Variants in ATAD2B observed in about 807,000 individuals in gnomAD.
ATAD2B encodes ATPase family AAA domain containing 2B, also known as ATPase family AAA domain-containing protein 2B.
A neutral mutation model predicts 167.6 loss-of-function variants in ATAD2B; 40 were observed. That is an observed-to-expected ratio of 0.24 (90% confidence interval 0.19 to 0.31). The LOEUF is 0.31. Ranked by LOEUF, ATAD2B falls within the 10% of genes least tolerant of loss-of-function variation. ATAD2B has a pLI of 1.00. For synonymous variants in ATAD2B, 579 were observed against 596.5 expected (o/e 0.97, Z 0.43); for missense variants, 1,242 against 1,757.2 (o/e 0.71, Z 5.24).
downstream of ATAD2B, among the ~76,000 whole-genome samples, chr2:23,746,400 T>C (rs1234555241): frequency 6.6e-6 from 1 of 152,244 alleles, no homozygotes; most frequent in Non-Finnish European, 1.5e-5. Flanking sequence ...CATTTGTGTC[T>C]GTATAGCACT....
At chr2:23,680,453 C>T in the ATAD2B span, among the ~76,000 whole-genome samples, 1 of 152,202 alleles carries the variant, frequency 6.6e-6, no homozygotes, top group African/African-American at 2.4e-5. The surrounding 1 kb of genome is among the most constrained non-coding windows in gnomAD (Gnocchi z 4.1). Context: ...TGCAGTCCCA[C>T]AGACGTAGGC....
downstream of ATAD2B, among the ~76,000 whole-genome samples, chr2:23,745,403 A>AGGAAGGAAGGAAGGAAGGAG (rs1189235389): frequency 2.6e-5 from 3 of 116,286 alleles, no homozygotes; most frequent in Non-Finnish European, 5.6e-5. Flanking sequence ...GAAGGAAGGA[A>AGGAAGGAAGGAAGGAAGGAG]GGAAGGAAGG....
chr2:23,754,925 G>A (rs1012176870), intron 25 of ATAD2B, 151 bp from the exon 26 acceptor site: 3 of 722,504 alleles, frequency 4.2e-6, no homozygotes, highest in South Asian at 5.5e-5. Flanking sequence ...GCAACCCAAT[G>A]TGGTAGATTT....
chr2:23,808,982 A>G (rs967215598), intron 18 of ATAD2B: 1 of 152,262 alleles, frequency 6.6e-6, no homozygotes, highest in East Asian at 1.9e-4. Flanking sequence ...AGATTAAAAT[A>G]ATTCACCTGT....
chr2:23,875,796 A>T lies in ATAD2B; in HGVS notation c.977+33T>A, dbSNP rs756564668. ...GACACAATTAGTCTCTCATTGACAA[A>T]TGCAAATGTTTCCTTTCAAAAACAA... On this transcript the variant is annotated intron_variant, in intron 8 of 27. Transcript: ENST00000238789. The T allele has an allele frequency of 7.7e-6, 11 of 1,423,042 alleles. No homozygotes were observed. In the South Asian group the frequency reaches 1.3e-4, roughly 17 times the overall value. 88.2% of individuals were successfully genotyped at this position (1,423,042 alleles called of 1,614,324 possible). A position where few individuals can be genotyped will look rare whatever the true frequency, so the allele number is the denominator to read the frequency against.
At chr2:23,825,472 T>G (rs1688111867) in intron 15 of ATAD2B, among the ~76,000 whole-genome samples, 1 of 152,212 alleles carries the variant, frequency 6.6e-6, no homozygotes, top group African/African-American at 2.4e-5. Flanking sequence ...GTGTCTCGTT[T>G]TATTTTCTAT....
chr2:23,847,280 C>T (rs1252562414), intron 13 of ATAD2B, among the ~76,000 whole-genome samples: 1 of 150,426 alleles, frequency 6.6e-6, no homozygotes, highest in Non-Finnish European at 1.5e-5. Context: ...CCGAGGCAGG[C>T]GGATCACAAG....
intron 16 of ATAD2B, among the ~76,000 whole-genome samples, 189 bp from the exon 17 acceptor site, chr2:23,820,071 CCTTTA>C (rs1687216870): frequency 6.6e-6 from 1 of 151,902 alleles, no homozygotes; most frequent in Non-Finnish European, 1.5e-5. Flanking sequence ...AACACTTTCA[CCTTTA>C]CAGACTATTT....
At chr2:23,801,113 T>G (rs2149476058) in intron 18 of ATAD2B, among the ~76,000 whole-genome samples, 1 of 152,244 alleles carries the variant, frequency 6.6e-6, no homozygotes, top group East Asian at 1.9e-4. Flanking sequence ...TAAAATAAAC[T>G]TTTATATTTT....
chr2:23,696,723 T>C, the ATAD2B span: 1 of 498,778 alleles, frequency 2.0e-6, no homozygotes, highest in Non-Finnish European at 3.5e-6. This position sits in a 1 kb window ranked among gnomAD's most constrained non-coding sequence, Gnocchi z 5.5. Context: ...TGTGTCACCT[T>C]TGCAGTCGCT....
the ATAD2B span, among the ~76,000 whole-genome samples, chr2:23,720,896 A>G: frequency 7.4e-6 from 1 of 136,042 alleles, no homozygotes; most frequent in Non-Finnish European, 1.5e-5. Flanking sequence ...GCACTCTACC[A>G]TCTTGAGACC....
chr2:23,878,026 A>AAAAAAAAAAAAAAAAAG (rs1553440562), intron 7 of ATAD2B, among the ~76,000 whole-genome samples: 1 of 129,232 alleles, frequency 7.7e-6, no homozygotes, highest in South Asian at 3.0e-4. Context: ...AAAAAAAAAA[A>AAAAAAAAAAAAAAAAAG]AAAAAAAAAA....
chr2:23,923,878 T>C (rs1298977641), intron 1 of ATAD2B, among the ~76,000 whole-genome samples: 2 of 152,098 alleles, frequency 1.3e-5, no homozygotes, highest in African/African-American at 4.8e-5. Flanking sequence ...GCATCAAGTG[T>C]AGTTAGTTAA....
intron 19 of ATAD2B, among the ~76,000 whole-genome samples, chr2:23,790,486 T>C (rs1190260947): frequency 6.6e-6 from 1 of 152,238 alleles, no homozygotes; most frequent in Non-Finnish European, 1.5e-5. Context: ...TAACACTTTA[T>C]GAATACAAAA....
At chr2:23,787,534 A>T (rs894832001) in intron 20 of ATAD2B, among the ~76,000 whole-genome samples, 1 of 152,078 alleles carries the variant, frequency 6.6e-6, no homozygotes, top group African/African-American at 2.4e-5. Context: ...AACTACAGCA[A>T]TTTGACAGGG....
chr2:23,882,372 T>C (rs530130934), intron 6 of ATAD2B, among the ~76,000 whole-genome samples: 142 of 151,876 alleles, frequency 9.3e-4, no homozygotes, highest in Non-Finnish European at 1.9e-3. Flanking sequence ...ATTTTTGTAT[T>C]GTTGGTAGAG....
intron 22 of ATAD2B, among the ~76,000 whole-genome samples, chr2:23,774,348 G>A (rs1021821287): frequency 1.3e-5 from 2 of 152,074 alleles, no homozygotes; most frequent in African/African-American, 2.4e-5. Flanking sequence ...CTAGCTACTC[G>A]GGAGGCTGAG....
chr2:23,908,138 A>T (rs928284382), intron 1 of ATAD2B, among the ~76,000 whole-genome samples: 25 of 152,108 alleles, frequency 1.6e-4, no homozygotes, highest in Non-Finnish European at 3.5e-4. Context: ...AAATTGACAA[A>T]TGGGATCTAA....
At chr2:23,723,930 T>C in the ATAD2B span, among the ~76,000 whole-genome samples, 1 of 152,220 alleles carries the variant, frequency 6.6e-6, no homozygotes, top group African/African-American at 2.4e-5. Flanking sequence ...CATGGAATAC[T>C]ATTCAGCCAT....
Sources: gnomAD v4.1 joint callset for allele counts (sites outside exome capture counted in the v4.1 genomes callset) on GRCh38, gnomAD v4.1.1 for gene constraint, Gnocchi (gnomAD v3.1) non-coding constraint, MANE v1.5 for transcripts, NCBI Gene and HGNC (gene_info 2026-07-23, HGNC 2026-07-21) for gene names.